The following HEMK2 variants were observed in gnomAD, a reference collection of about 807,000 sequenced individuals.
HEMK2 encodes the protein HemK methyltransferase 2, ETF1 glutamine and histone H4 lysine.
the HEMK2 span, among the ~76,000 whole-genome samples, chr21:28,771,523 C>A: frequency 4.7e-5 from 5 of 106,246 alleles, no homozygotes; most frequent in Admixed American, 3.6e-4. Context: ...GCACCACCCC[C>A]CCCCGCCAAA....
At chr21:28,731,170 C>T in the HEMK2 span, among the ~76,000 whole-genome samples, 2 of 152,102 alleles carry the variant, frequency 1.3e-5, no homozygotes, top group Non-Finnish European at 2.9e-5. Flanking sequence ...CTTTTCAAAT[C>T]GAAAGGAGCA....
the HEMK2 span, among the ~76,000 whole-genome samples, chr21:28,804,398 G>A: frequency 6.6e-6 from 1 of 152,082 alleles, no homozygotes; most frequent in Non-Finnish European, 1.5e-5. Context: ...CTTTTTAGCT[G>A]TCAACAGAAA....
chr21:28,638,526 A>ACATGT, the HEMK2 span, among the ~76,000 whole-genome samples: 542 of 152,252 alleles, frequency 3.6e-3, 4 homozygotes, highest in African/African-American at 0.012. Flanking sequence ...AAAGGAGAGG[A>ACATGT]CATGTCTGAT....
chr21:28,781,099 T>A, the HEMK2 span, among the ~76,000 whole-genome samples: 1 of 152,198 alleles, frequency 6.6e-6, no homozygotes, highest in Non-Finnish European at 1.5e-5. Context: ...ATTTTTCAGG[T>A]TTTTTTCAAA....
the HEMK2 span, among the ~76,000 whole-genome samples, chr21:28,593,306 C>T: frequency 6.6e-6 from 1 of 152,184 alleles, no homozygotes; most frequent in Admixed American, 6.5e-5. Flanking sequence ...CAAGGTATCT[C>T]ATTATGTGCA....
At chr21:28,873,026 G>A in the HEMK2 span, 1 of 152,164 alleles carries the variant, frequency 6.6e-6, no homozygotes, top group East Asian at 1.9e-4. Context: ...GTTTACCCTT[G>A]TCAACTTGGC....
chr21:28,852,991 T>C, the HEMK2 span, among the ~76,000 whole-genome samples: 13 of 152,222 alleles, frequency 8.5e-5, no homozygotes, highest in African/African-American at 2.4e-4. Flanking sequence ...ATTTTTCCCA[T>C]TGCATTTAAA....
At chr21:28,728,038 G>A in the HEMK2 span, among the ~76,000 whole-genome samples, 1 of 152,202 alleles carries the variant, frequency 6.6e-6, no homozygotes, top group Admixed American at 6.5e-5. Context: ...GGAATGCAGG[G>A]TGCAATTTTA....
At chr21:28,881,153 T>G in the HEMK2 span, among the ~76,000 whole-genome samples, 2 of 152,248 alleles carry the variant, frequency 1.3e-5, no homozygotes, top group Middle Eastern at 3.2e-3. Context: ...AAAACAATGG[T>G]TGTGCAGTTG....
chr21:28,842,203 G>C, the HEMK2 span, among the ~76,000 whole-genome samples: 1 of 152,050 alleles, frequency 6.6e-6, no homozygotes, highest in Non-Finnish European at 1.5e-5. Context: ...CTAGCCTAAA[G>C]TGTTCCATGG....
At chr21:28,642,558 C>A in the HEMK2 span, among the ~76,000 whole-genome samples, 10 of 152,334 alleles carry the variant, frequency 6.6e-5, no homozygotes, top group South Asian at 2.1e-3. Context: ...GGGGTGGCAG[C>A]CCCTGCCCTC....
the HEMK2 span, among the ~76,000 whole-genome samples, chr21:28,583,935 T>C: frequency 6.6e-6 from 1 of 152,198 alleles, no homozygotes; most frequent in Admixed American, 6.5e-5. Context: ...CATTCTAGGA[T>C]CATCTTGAAA....
chr21:28,834,148 A>G, the HEMK2 span, among the ~76,000 whole-genome samples: 1 of 152,198 alleles, frequency 6.6e-6, no homozygotes, highest in East Asian at 1.9e-4. Flanking sequence ...TCGCTCAATC[A>G]TGGCAGATGG....
chr21:28,746,052 G>T, the HEMK2 span, among the ~76,000 whole-genome samples: 1 of 152,062 alleles, frequency 6.6e-6, no homozygotes. Context: ...TATTTTATTG[G>T]ATACTCTATC....
the HEMK2 span, among the ~76,000 whole-genome samples, chr21:28,578,513 C>T: frequency 6.6e-6 from 1 of 152,160 alleles, no homozygotes; most frequent in African/African-American, 2.4e-5. Context: ...CACAGGGCCA[C>T]AGCGGGGTTT....
the HEMK2 span, among the ~76,000 whole-genome samples, chr21:28,785,547 C>T: frequency 1.3e-5 from 2 of 152,158 alleles, no homozygotes; most frequent in African/African-American, 4.8e-5. Flanking sequence ...TGCTTCAGTG[C>T]TGTAACTTCT....
the HEMK2 span, among the ~76,000 whole-genome samples, chr21:28,754,859 C>A: frequency 2.0e-5 from 3 of 152,148 alleles, no homozygotes; most frequent in African/African-American, 7.2e-5. Flanking sequence ...TAAGACCTTT[C>A]CTGAGAATGA....
the HEMK2 span, among the ~76,000 whole-genome samples, chr21:28,775,502 C>T: frequency 2.0e-5 from 3 of 152,010 alleles, no homozygotes; most frequent in Non-Finnish European, 4.4e-5. Flanking sequence ...CTATGTAAAT[C>T]GTAAGCTTTA....
chr21:28,663,883 G>GT, the HEMK2 span, among the ~76,000 whole-genome samples: 1 of 152,182 alleles, frequency 6.6e-6, no homozygotes, highest in Non-Finnish European at 1.5e-5. Flanking sequence ...TCTTTAGTTT[G>GT]TAAGAGCAAG....
Sources: gnomAD v4.1 joint callset for allele counts (sites outside exome capture counted in the v4.1 genomes callset) on GRCh38, gnomAD v4.1.1 for gene constraint, MANE v1.5 for transcripts, NCBI Gene and HGNC (gene_info 2026-07-23, HGNC 2026-07-21) for gene names.